RAB5A: variants seen among roughly 807,000 people sequenced by gnomAD.
The protein encoded by RAB5A is ras-related protein Rab-5A.
A neutral mutation model predicts 25.7 loss-of-function variants in RAB5A; 8 were observed. The observed-to-expected ratio is 0.31, with a 90% CI of 0.18 to 0.56. The LOEUF (loss-of-function observed/expected upper bound fraction) is 0.56. Ranked by LOEUF, RAB5A falls within the 20% of genes least tolerant of loss-of-function variation. RAB5A has a pLI of 0.91. For synonymous variants in RAB5A, 98 were observed against 89.8 expected (o/e 1.09, Z -0.52); for missense variants, 192 against 259.7 (o/e 0.74, Z 1.79).
chr3:19,963,460 T>G (rs1272467419), intron 2 of RAB5A, among the ~76,000 whole-genome samples: 2 of 148,708 alleles, frequency 1.3e-5, no homozygotes, highest in Non-Finnish European at 3.0e-5. Context: ...TTTTGTAGGA[T>G]CAAAAGAATT....
At chr3:19,954,523 C>T (rs535888517) in intron 2 of RAB5A, among the ~76,000 whole-genome samples, 11 of 152,062 alleles carry the variant, frequency 7.2e-5, no homozygotes, top group Non-Finnish European at 7.4e-5. Flanking sequence ...ACTTGATTTA[C>T]GAATTCCTGT....
In RAB5A at chr3:19,950,793, TG is replaced by T; in HGVS notation, c.-93-12del. The T allele has an allele frequency of 9.0e-7, 1 of 1,109,876 alleles. No individual in the cohort carries two copies. Among genetic ancestry groups the T allele is most frequent in the Non-Finnish European group, 1.3e-6 (1 of 794,972 alleles). 68.8% of individuals were successfully genotyped at this position (1,109,876 alleles called of 1,614,324 possible). A position where few individuals can be genotyped will look rare whatever the true frequency, so the allele number is the denominator to read the frequency against. The stretch of plus-strand genomic sequence containing the variant: ...CTGATTTGTATATTTAATTCATAAT[TG>T]TTTCTTTACAGGTTTCTTTACCTCC... On this transcript the variant is annotated splice_polypyrimidine_tract_variant and intron_variant, in intron 1 of 5. Coordinates refer to ENST00000273047, the MANE Select transcript of RAB5A (RefSeq NM_004162.5).
In RAB5A at chr3:19,947,285, C is replaced by CGGA. The variant is rs1234967340; in HGVS notation, c.-322_-320dup. ...CCAGCGCCGGCGGCGGCGGCGGCGG[C>CGGA]GGAGGAGGAGAAAGGAAAGAGGAAG... On this transcript the variant is annotated 5_prime_UTR_variant, in exon 1 of 6. Transcript: ENST00000273047. 1.5e-3 allele frequency: 273 copies of CGGA among 183,348 alleles called. 6 individuals are homozygous for CGGA. The highest frequency in any genetic ancestry group is 1.4e-3 in the East Asian group (7 of 5,148). The allele number at this position is 183,348 out of a possible 1,614,324, so 11.4% of individuals were successfully genotyped here. A position where few individuals can be genotyped will look rare whatever the true frequency, so the allele number is the denominator to read the frequency against.
At chr3:19,951,092 A>C (rs1344185016) in intron 2 of RAB5A, 31 bp downstream of exon 2, 1 of 1,605,652 alleles carries the variant, frequency 6.2e-7, no homozygotes, top group African/African-American at 1.3e-5. Flanking sequence ...TGCTTCATTT[A>C]ATCGAATCAT....
intron 2 of RAB5A, among the ~76,000 whole-genome samples, chr3:19,973,900 C>CT (rs1696786172): frequency 6.6e-6 from 1 of 152,152 alleles, no homozygotes; most frequent in Non-Finnish European, 1.5e-5. Flanking sequence ...TAGTACATCT[C>CT]TATCAACGTC....
intron 2 of RAB5A, among the ~76,000 whole-genome samples, chr3:19,953,475 C>G (rs1696454606): frequency 6.6e-6 from 1 of 150,728 alleles, no homozygotes. Flanking sequence ...TGGTGTAGCC[C>G]TGGCTCACTG....
At chr3:19,972,347 C>T (rs1412704249) in intron 2 of RAB5A, among the ~76,000 whole-genome samples, 1 of 152,158 alleles carries the variant, frequency 6.6e-6, no homozygotes, top group African/African-American at 2.4e-5. Context: ...GTGGTCATTG[C>T]TCAAGTAACT....
chr3:19,961,003 A>G (rs1262917582), intron 2 of RAB5A, among the ~76,000 whole-genome samples: 2 of 152,212 alleles, frequency 1.3e-5, no homozygotes, highest in Admixed American at 6.5e-5. Context: ...GAGCCAGAAT[A>G]TATTCCACCT....
chr3:19,981,186 A>G (rs1465468498), intron 5 of RAB5A, among the ~76,000 whole-genome samples: 1 of 152,220 alleles, frequency 6.6e-6, no homozygotes, highest in Non-Finnish European at 1.5e-5. Context: ...AAAACAAACT[A>G]CAGCAATCTC....
At chr3:19,982,851 C>A (rs934302241) in intron 5 of RAB5A, among the ~76,000 whole-genome samples, 2 of 151,820 alleles carry the variant, frequency 1.3e-5, no homozygotes, top group African/African-American at 4.8e-5. Flanking sequence ...TATGATCTAT[C>A]ACAATTCGGG....
At chr3:19,963,376 C>CCCCCCCCCCG (rs869290360) in intron 2 of RAB5A, among the ~76,000 whole-genome samples, 1 of 86,796 alleles carries the variant, frequency 1.2e-5, no homozygotes. Flanking sequence ...CCCCCCCCCC[C>CCCCCCCCCCG]CCGACTTATT....
At chr3:19,950,451 C>T (rs1333685357) in intron 1 of RAB5A, among the ~76,000 whole-genome samples, 1 of 152,174 alleles carries the variant, frequency 6.6e-6, no homozygotes, top group East Asian at 1.9e-4. Context: ...GGCTCTGTCA[C>T]TTCTGTGACA....
At chr3:19,975,427 G>T (rs1180049906) in intron 2 of RAB5A, 174 bp from the exon 3 acceptor site, 33 of 547,902 alleles carry the variant, frequency 6.0e-5, no homozygotes, top group Non-Finnish European at 2.8e-5. Context: ...CAAGTTTCTA[G>T]GTGTTTTCTT....
At chr3:19,980,203 A>G (rs1696896693) in intron 5 of RAB5A, 1 of 152,250 alleles carries the variant, frequency 6.6e-6, no homozygotes, top group African/African-American at 2.4e-5. Context: ...CAATGAGTTA[A>G]TAGGCCTCTC....
intron 2 of RAB5A, among the ~76,000 whole-genome samples, chr3:19,968,382 T>A (rs1575073141): frequency 6.6e-6 from 1 of 152,328 alleles, no homozygotes; most frequent in East Asian, 1.9e-4. Flanking sequence ...AATTCAAATT[T>A]TTGAAAACCA....
At chr3:19,975,891 G>C (rs1378881081) in intron 3 of RAB5A, 139 bp downstream of exon 3, 4 of 1,314,730 alleles carry the variant, frequency 3.0e-6, no homozygotes, top group Non-Finnish European at 4.1e-6. Flanking sequence ...TAGAAAATCT[G>C]GTTTTAAAAA....
intron 2 of RAB5A, among the ~76,000 whole-genome samples, chr3:19,962,424 C>G (rs553772761): frequency 1.3e-5 from 2 of 149,966 alleles, no homozygotes; most frequent in Non-Finnish European, 3.0e-5. Context: ...AAAAATTAAC[C>G]GGGCATGGTG....
Position 19,978,311 on chromosome 3 carries a change from A to T in RAB5A, c.440A>T (p.Glu147Val), listed in dbSNP as rs1696858461. The change falls in exon 5 of 6, where the codon GAA (glutamate) becomes GTA (valine). Residue 147 changes from glutamate to valine, a missense_variant and splice_region_variant. By Grantham distance (121) the Glu-to-Val change is moderately radical (BLOSUM62 -2). This residue lies in a region of RAB5A where 121 missense variants were observed against 135.7 expected (regional missense o/e 0.89). Coordinates refer to ENST00000273047, the MANE Select transcript of RAB5A (RefSeq NM_004162.5). ...LANKRAVDFQ[E>V]AQSYADDNSL... is the part of the protein sequence containing the mutation. ...TCTCATTTTTTGTTCTGTAAACAGG[A>T]AGCACAGTCCTATGCAGATGACAAT... The T allele has an allele frequency of 6.2e-7, 1 of 1,602,542 alleles. No homozygotes were observed. The highest frequency in any genetic ancestry group is 8.5e-7 in the Non-Finnish European group (1 of 1,170,386).
intron 2 of RAB5A, among the ~76,000 whole-genome samples, chr3:19,957,944 A>C (rs922113531): frequency 1.3e-5 from 2 of 152,210 alleles, no homozygotes; most frequent in Non-Finnish European, 2.9e-5. Flanking sequence ...GAAAATTTAA[A>C]TCCAAATAAC....
Sources: allele counts gnomAD v4.1 joint callset (sites outside exome capture counted in the v4.1 genomes callset), GRCh38; gene constraint gnomAD v4.1.1; regional missense constraint gnomAD v4.1.1; transcripts MANE v1.5; gene names NCBI Gene and HGNC (gene_info 2026-07-23, HGNC 2026-07-21).